Variants in RREB1 observed in about 807,000 individuals in gnomAD.
RREB1 encodes ras-responsive element-binding protein 1.
Under a neutral mutation model 117.8 loss-of-function variants are expected in RREB1, and 27 were observed. That is an observed-to-expected ratio of 0.23 (90% CI 0.17 to 0.32). RREB1 has a LOEUF of 0.32. RREB1 is among the 10% of genes least tolerant of loss of function. The pLI is 1.00. For synonymous variants in RREB1, 1,298 were observed against 1,026.7 expected (o/e 1.26, Z -5.05); for missense variants, 2,577 against 2,378.2 (o/e 1.08, Z -1.74).
intron 1 of RREB1, among the ~76,000 whole-genome samples, chr6:7,173,278 G>C (rs999599841): frequency 6.6e-6 from 1 of 152,118 alleles, no homozygotes; most frequent in Non-Finnish European, 1.5e-5. Flanking sequence ...ACCCTCAGGA[G>C]GCTGGGGCGG....
At chr6:7,127,811 C>CCT (rs2113341843) in intron 1 of RREB1, among the ~76,000 whole-genome samples, 1 of 152,256 alleles carries the variant, frequency 6.6e-6, no homozygotes, top group African/African-American at 2.4e-5. Flanking sequence ...TCGCTGCTCA[C>CCT]CTGCAGAGCA....
Position 7,140,056 on chromosome 6 carries a change from G to A in RREB1, c.-285+31996G>A, listed in dbSNP as rs571467352. 5.3e-5 allele frequency among the ~76,000 whole-genome samples: 8 copies of A among 152,322 alleles called. No homozygotes were observed. The South Asian group carries it at 1.0e-3, about 20-fold the overall frequency. ...GACAGATGAAAATGAGAGAGTCCAA[G>A]GTCACATGGATTTTGAATTTTTTTT... On this transcript the variant is annotated intron_variant, in intron 1 of 12. Transcript: ENST00000379938.
chr6:7,231,186 C>A lies in RREB1; in HGVS notation c.3087C>A (p.Leu1029=). The change falls in exon 10 of 13, where the codon CTC becomes CTA. Residue 1029 remains leucine (L), a synonymous_variant. Transcript: ENST00000379938. ...CAGCCCTGGTCAGCAGCCCTCCACT[C>A]GTGGGCAGCTCAGCCCTCCTGAGTG... The part of the protein sequence containing the change: ...YSSALVSSPP[L]VGSSALLSGT... 5 of 1,611,552 alleles carry A rather than the reference C, an allele frequency of 3.1e-6. No homozygotes were observed. Among genetic ancestry groups the A allele is most frequent in the Non-Finnish European group, 4.2e-6 (5 of 1,179,204 alleles).
At chr6:7,147,330 T>C (rs1453105069) in intron 1 of RREB1, among the ~76,000 whole-genome samples, 2 of 152,106 alleles carry the variant, frequency 1.3e-5, no homozygotes, top group Non-Finnish European at 2.9e-5. Flanking sequence ...CAGCTTGGAG[T>C]GCGCAGCATG....
At chr6:7,233,205 A>C (rs1283441229) in intron 10 of RREB1, among the ~76,000 whole-genome samples, 1 of 152,184 alleles carries the variant, frequency 6.6e-6, no homozygotes, top group African/African-American at 2.4e-5. Context: ...CTGCCCAAAA[A>C]TATTTTTCAA....
chr6:7,204,781 G>A (rs186072005), intron 6 of RREB1, among the ~76,000 whole-genome samples: 2 of 152,288 alleles, frequency 1.3e-5, no homozygotes, highest in African/African-American at 4.8e-5. Context: ...AGCAAATACT[G>A]GAAGTGTCTA....
At chr6:7,233,545 A>G (rs1030737900) in intron 10 of RREB1, among the ~76,000 whole-genome samples, 3 of 152,264 alleles carry the variant, frequency 2.0e-5, no homozygotes, top group African/African-American at 7.2e-5. Context: ...AATAATTTTT[A>G]GTATAAGTAT....
intron 1 of RREB1, among the ~76,000 whole-genome samples, chr6:7,149,939 T>C (rs529539625): frequency 9.9e-5 from 15 of 152,112 alleles, no homozygotes; most frequent in African/African-American, 3.4e-4. Flanking sequence ...TCCACACACC[T>C]CGGCCTCCCA....
At chr6:7,128,053 C>A (rs1762011521) in intron 1 of RREB1, among the ~76,000 whole-genome samples, 1 of 151,986 alleles carries the variant, frequency 6.6e-6, no homozygotes, top group African/African-American at 2.4e-5. Context: ...TTTCAGAGTC[C>A]TCTGGGGAAG....
At chr6:7,172,083 C>A (rs1764241641) in intron 1 of RREB1, among the ~76,000 whole-genome samples, 1 of 151,956 alleles carries the variant, frequency 6.6e-6, no homozygotes, top group African/African-American at 2.4e-5. Context: ...GTAGCTGGGA[C>A]TGCAGGAGGG....
rs754603965 is a variant in RREB1 at position 7,231,448 on chromosome 6, C to G, written c.3349C>G (p.Pro1117Ala). The change falls in exon 10 of 13, where the codon CCC (proline) becomes GCC (alanine). Residue 1117 changes from proline to alanine, a missense_variant. Physicochemically the swap from Pro to Ala is conservative, Grantham distance 27. Transcript: ENST00000379938. The part of the protein sequence containing the change: ...SVPKAATTAT[P>A]AATTSPKESS... ...CCCCAAAGCCGCCACCACCGCCACC[C>G]CCGCTGCCACCACCAGCCCAAAAGA... The G allele has an allele frequency of 2.5e-6, 4 of 1,613,006 alleles. No individual in the cohort carries two copies. The South Asian group carries it at 4.4e-5, about 18-fold the overall frequency.
chr6:7,195,216 A>G (rs1023090175), intron 6 of RREB1, among the ~76,000 whole-genome samples: 4 of 152,240 alleles, frequency 2.6e-5, no homozygotes, highest in Admixed American at 6.5e-5. Flanking sequence ...ATATATTTGA[A>G]ATACTAGGGA....
intron 1 of RREB1, among the ~76,000 whole-genome samples, chr6:7,158,523 TGTG>T (rs927360074): frequency 9.2e-5 from 14 of 152,198 alleles, no homozygotes; most frequent in African/African-American, 1.4e-4. Flanking sequence ...CTGGGCTTCT[TGTG>T]GTACTTCCTG....
chr6:7,153,795 C>T (rs1216569882), intron 1 of RREB1, among the ~76,000 whole-genome samples: 1 of 152,144 alleles, frequency 6.6e-6, no homozygotes, highest in Admixed American at 6.5e-5. Context: ...CCATAAAGTG[C>T]CGTTGCTTGT....
At chr6:7,207,493 G>T (rs898998371) in intron 6 of RREB1, among the ~76,000 whole-genome samples, 4 of 152,174 alleles carry the variant, frequency 2.6e-5, no homozygotes, top group Non-Finnish European at 5.9e-5. Context: ...TGAAGGAATC[G>T]TGGGGATTGT....
rs569807709 is a variant in RREB1, at chr6:7,225,268, A to G, written c.708-1199A>G. ...ATACATGGAATGATGCTCGGTATACAGCATTGTCCAACAGAATATCCTGTG... is the reference window on the plus strand; with the variant it reads ...ATACATGGAATGATGCTCGGTATACGGCATTGTCCAACAGAATATCCTGTG... On this transcript the variant is annotated intron_variant, in intron 8 of 12. Coordinates refer to ENST00000379938, the MANE Select transcript of RREB1 (RefSeq NM_001003699.4). Among the ~76,000 whole-genome samples the G allele has an allele frequency of 2.0e-5, 3 of 152,350 alleles. No homozygotes were observed. In the South Asian group the frequency reaches 6.2e-4, roughly 32 times the overall value.
At chr6:7,139,141 T>A (rs189283405) in intron 1 of RREB1, 1 of 152,256 alleles carries the variant, frequency 6.6e-6, no homozygotes, top group Non-Finnish European at 1.5e-5. Context: ...GGTACCATTG[T>A]TTGTTCTGCA....
intron 8 of RREB1, among the ~76,000 whole-genome samples, chr6:7,223,751 C>T (rs1767420327): frequency 6.6e-6 from 1 of 152,128 alleles, no homozygotes; most frequent in African/African-American, 2.4e-5. Context: ...AGCTAAACAA[C>T]AAACACATGT....
intron 1 of RREB1, among the ~76,000 whole-genome samples, chr6:7,110,961 G>A (rs1028664211): frequency 2.0e-5 from 3 of 152,170 alleles, no homozygotes; most frequent in African/African-American, 7.2e-5. Context: ...GGGAACATGC[G>A]TCTTATTGAG....
Sources: allele counts gnomAD v4.1 joint callset (sites outside exome capture counted in the v4.1 genomes callset), GRCh38; gene constraint gnomAD v4.1.1; transcripts MANE v1.5; gene names NCBI Gene and HGNC (gene_info 2026-07-23, HGNC 2026-07-21).